Variants in FOXP2 observed in about 807,000 individuals in gnomAD.
FOXP2 encodes forkhead box P2, also known as forkhead box protein P2.
FOXP2 carries 12 observed loss-of-function variants against 115.8 expected under a neutral mutation model. The observed-to-expected ratio is 0.10, with a 90% CI of 0.07 to 0.17. FOXP2 has a LOEUF of 0.17. Ranked by LOEUF, FOXP2 falls within the 10% of genes least tolerant of loss-of-function variation. The probability of loss-of-function intolerance (pLI) is 1.00; values close to 1 mark genes in which losing one functional copy is unlikely to be tolerated. For synonymous variants in FOXP2, 328 were observed against 297.7 expected (o/e 1.10, Z -1.05); for missense variants, 629 against 843.5 (o/e 0.75, Z 3.15).
chr7:114,089,051 C>G (rs532312604), intron 1 of FOXP2, among the ~76,000 whole-genome samples: 1 of 152,180 alleles, frequency 6.6e-6, no homozygotes, highest in East Asian at 1.9e-4. Context: ...TTAAAGGCCC[C>G]TTTTCTCTTG....
At chr7:114,145,459 T>TTCTTTTCTTG (rs2129147850) in intron 1 of FOXP2, among the ~76,000 whole-genome samples, 1 of 138,544 alleles carries the variant, frequency 7.2e-6, no homozygotes, top group African/African-American at 2.9e-5. Flanking sequence ...TTCTTTTCTT[T>TTCTTTTCTTG]TCTTTTCTTT....
intron 1 of FOXP2, among the ~76,000 whole-genome samples, chr7:114,283,475 T>A (rs1322006734): frequency 1.3e-5 from 2 of 152,202 alleles, no homozygotes; most frequent in East Asian, 3.9e-4. Flanking sequence ...TTAAGCTTTA[T>A]ATGATGTAAT....
At chr7:114,462,213 G>T (rs202177685) in intron 2 of FOXP2, among the ~76,000 whole-genome samples, 1 of 144,008 alleles carries the variant, frequency 6.9e-6, no homozygotes, top group African/African-American at 2.6e-5. Context: ...CCCGGGAGGC[G>T]GAGGTTGCAG....
intron 1 of FOXP2, among the ~76,000 whole-genome samples, chr7:114,120,929 G>T (rs1791545875): frequency 1.3e-5 from 2 of 152,004 alleles, no homozygotes; most frequent in Admixed American, 1.3e-4. Context: ...GATGCAATTT[G>T]ATGGTCGGAT....
chr7:114,643,792 G>A (rs966800591), intron 7 of FOXP2, among the ~76,000 whole-genome samples: 5 of 152,124 alleles, frequency 3.3e-5, no homozygotes, highest in African/African-American at 1.2e-4. Context: ...TAATGGCTTA[G>A]GCTTATATAT....
In FOXP2 at chr7:114,102,417, C is replaced by T. The variant is rs184937924; in HGVS notation, c.-247+14579C>T. Among the ~76,000 whole-genome samples the T allele has an allele frequency of 1.3e-4, 19 of 151,992 alleles. No homozygotes were observed. The East Asian group carries it at 3.5e-3, about 28-fold the overall frequency. On this transcript the variant is annotated intron_variant, in intron 1 of 19. Transcript: ENST00000635638. The stretch of plus-strand genomic sequence containing the variant: ...GATATAGGCTTTGTGGACCATTGAT[C>T]TCTATTGCACTTTCTCACCGCCATT...
At chr7:114,312,258 C>T (rs1021484806) in intron 2 of FOXP2, among the ~76,000 whole-genome samples, 5 of 152,240 alleles carry the variant, frequency 3.3e-5, no homozygotes, top group African/African-American at 1.2e-4. Flanking sequence ...ACTTGCTGTC[C>T]TATTCTCAAG....
intron 3 of FOXP2, among the ~76,000 whole-genome samples, chr7:114,550,140 T>G (rs1437403886): frequency 7.2e-6 from 1 of 138,168 alleles, no homozygotes; most frequent in South Asian, 2.3e-4. Context: ...TTTTTTGAGA[T>G]GGAGTCTCGC....
chr7:114,159,937 G>A (rs573309231), upstream of FOXP2, among the ~76,000 whole-genome samples: 1 of 152,168 alleles, frequency 6.6e-6, no homozygotes, highest in South Asian at 2.1e-4. Flanking sequence ...AGAAATATTG[G>A]AGGAAAAGTG....
chr7:114,236,363 G>A (rs1795006971), intron 1 of FOXP2, among the ~76,000 whole-genome samples: 1 of 152,134 alleles, frequency 6.6e-6, no homozygotes, highest in Non-Finnish European at 1.5e-5. Flanking sequence ...ATTTATAATA[G>A]TGGATGGAGG....
At chr7:114,421,169 A>G (rs905392392) in intron 1 of FOXP2, among the ~76,000 whole-genome samples, 5 of 151,652 alleles carry the variant, frequency 3.3e-5, no homozygotes, top group African/African-American at 1.2e-4. Flanking sequence ...TAAGTGAAAT[A>G]GCATAGGGAT....
chr7:114,116,603 G>A (rs1246367580), intron 1 of FOXP2, among the ~76,000 whole-genome samples: 2 of 152,014 alleles, frequency 1.3e-5, no homozygotes, highest in African/African-American at 2.4e-5. Flanking sequence ...CAAGAAAATA[G>A]GGATAAGAGT....
chr7:114,271,224 C>T (rs1796026791), intron 1 of FOXP2, among the ~76,000 whole-genome samples: 1 of 151,650 alleles, frequency 6.6e-6, no homozygotes. Flanking sequence ...CTTCTGCAAA[C>T]AAAGAGAGTT....
chr7:114,571,899 T>C (rs1214073598), intron 3 of FOXP2, among the ~76,000 whole-genome samples: 1 of 151,892 alleles, frequency 6.6e-6, no homozygotes, highest in African/African-American at 2.4e-5. Flanking sequence ...CCTTAAGAAC[T>C]GATGTATTTA....
At chr7:114,648,938 A>G (rs1806074358) in intron 8 of FOXP2, among the ~76,000 whole-genome samples, 1 of 152,048 alleles carries the variant, frequency 6.6e-6, no homozygotes, top group East Asian at 1.9e-4. Context: ...ATTAGGGGAC[A>G]TTAGGGACTG....
intron 2 of FOXP2, among the ~76,000 whole-genome samples, chr7:114,439,739 G>C (rs1372940751): frequency 6.6e-6 from 1 of 151,800 alleles, no homozygotes; most frequent in Non-Finnish European, 1.5e-5. Flanking sequence ...ATATAGATGT[G>C]TGTGTGTGTG....
Position 114,630,114 on chromosome 7 carries a change from T to G in FOXP2, c.597+109T>G, listed in dbSNP as rs928134782. 21 of 1,584,652 alleles carry G rather than the reference T, an allele frequency of 1.3e-5. No homozygotes were observed. The African/African-American group carries it at 2.7e-4, about 20-fold the overall frequency. On this transcript the variant is annotated intron_variant, in intron 5 of 16. Transcript: ENST00000350908. ...TATAACAAGGCTCTTGCTGTCAAAG[T>G]TGCAGTATTATATATTTTTACTGAG...
chr7:114,571,657 A>G (rs1375403693), intron 3 of FOXP2, among the ~76,000 whole-genome samples: 6 of 151,866 alleles, frequency 4.0e-5, no homozygotes, highest in Non-Finnish European at 7.4e-5. Context: ...CTTCCTTATC[A>G]TTATTCCCCA....
chr7:114,143,404 A>G (rs543136360), intron 1 of FOXP2, among the ~76,000 whole-genome samples: 1 of 152,172 alleles, frequency 6.6e-6, no homozygotes, highest in South Asian at 2.1e-4. Flanking sequence ...TGGAATATAA[A>G]TTAGCATATT....
Sources: gnomAD v4.1 joint callset for allele counts (sites outside exome capture counted in the v4.1 genomes callset) on GRCh38, gnomAD v4.1.1 for gene constraint, MANE v1.5 for transcripts, NCBI Gene and HGNC (gene_info 2026-07-23, HGNC 2026-07-21) for gene names.